Variants in TNS1 observed in about 807,000 individuals in gnomAD.
The protein encoded by TNS1 is tensin 1, also known as tensin-1.
Under a neutral mutation model 168.6 loss-of-function variants are expected in TNS1, and 62 were observed. The ratio of observed to expected loss-of-function variants is 0.37; its 90% CI spans 0.30 to 0.45. The LOEUF (loss-of-function observed/expected upper bound fraction) is 0.45, where lower values mean the gene tolerates loss of function less well. Among genes scored for constraint, TNS1 ranks in the 20% least tolerant of loss-of-function variants. The pLI is 1.00. For synonymous variants in TNS1, 934 were observed against 933.2 expected (o/e 1.00, Z -0.02); for missense variants, 2,240 against 2,339.4 (o/e 0.96, Z 0.88).
rs779341972 is a variant in TNS1, at chr2:217,906,394, A to G, written c.271-9T>C. 2 of 702,054 alleles carry G rather than the reference A, an allele frequency of 2.8e-6. No homozygotes were observed. The highest frequency in any genetic ancestry group is 2.6e-6 in the Non-Finnish European group (1 of 384,378). 43.5% of individuals were successfully genotyped at this position (702,054 alleles called of 1,614,324 possible). ...CGGGAGGCTCCTTCTCCCTGCAGAC[A>G]GAGAAAAGGCAGTCAGAGAGGGGAG... On this transcript the variant is annotated splice_polypyrimidine_tract_variant and intron_variant, in intron 5 of 32. Transcript: ENST00000682258.
chr2:217,837,045 G>C (rs562039931), intron 19 of TNS1, among the ~76,000 whole-genome samples: 1 of 152,118 alleles, frequency 6.6e-6, no homozygotes, highest in Non-Finnish European at 1.5e-5. Context: ...GCCTCATTGA[G>C]CTGGCTCCCA....
intron 11 of TNS1, among the ~76,000 whole-genome samples, chr2:217,891,602 C>G (rs980821941): frequency 1.3e-5 from 2 of 152,204 alleles, no homozygotes; most frequent in African/African-American, 4.8e-5. Context: ...TTCTACCATC[C>G]TCACAGAGCA....
intron 1 of TNS1, among the ~76,000 whole-genome samples, chr2:217,999,137 C>T (rs115678003): frequency 6.6e-6 from 1 of 152,318 alleles, no homozygotes; most frequent in African/African-American, 2.4e-5. Context: ...ATGCGTCATT[C>T]TCAGGGCTTG....
At chr2:217,867,161 T>C (rs1389398472) in intron 18 of TNS1, among the ~76,000 whole-genome samples, 1 of 152,182 alleles carries the variant, frequency 6.6e-6, no homozygotes, top group Non-Finnish European at 1.5e-5. Context: ...ATCTCACATA[T>C]TGGGGGGTGC....
chr2:217,920,337 C>A, intron 3 of TNS1, 101 bp from the exon 4 acceptor site: 1 of 694,276 alleles, frequency 1.4e-6, no homozygotes, highest in South Asian at 1.5e-5. Context: ...TTCATTCCCT[C>A]ACACGGGCTG....
At chr2:217,934,322 C>A (rs1418563276) in intron 3 of TNS1, among the ~76,000 whole-genome samples, 1 of 152,182 alleles carries the variant, frequency 6.6e-6, no homozygotes. Context: ...TGGCACCCTG[C>A]TGGCCGGGAC....
intron 12 of TNS1, 43 bp from the exon 13 acceptor site, chr2:217,886,689 C>T: frequency 7.2e-7 from 1 of 1,393,890 alleles, no homozygotes; most frequent in Non-Finnish European, 1.0e-6. Flanking sequence ...GAGGTGGGTA[C>T]TGGTGCAGTA....
intron 19 of TNS1, among the ~76,000 whole-genome samples, chr2:217,839,681 G>A (rs937752520): frequency 2.6e-5 from 4 of 152,150 alleles, no homozygotes; most frequent in Admixed American, 1.3e-4. Flanking sequence ...ATCACGTGAC[G>A]AGTACCCTGG....
rs565596219 is a variant in TNS1 at position 217,818,026 on chromosome 2, G to T, written c.4306C>A (p.Arg1436=). The T allele has an allele frequency of 3.3e-5, 52 of 1,598,602 alleles. No homozygotes were observed. The highest frequency in any genetic ancestry group is 1.8e-5 in the Admixed American group (1 of 56,794). Reference sequence around the variant, plus strand: ...CTCTGCCGGGACAGTGTGGGTCTCCGATCCTCCGGGGTAGAATAGCCACCA... The same window carrying T: ...CTCTGCCGGGACAGTGTGGGTCTCCTATCCTCCGGGGTAGAATAGCCACCA... The part of the protein sequence containing the change: ...AYGGYSTPED[R]RPTLSRQSSA... Residue 1436 remains arginine (R), a synonymous_variant, in exon 24 of 33, where the codon CGG becomes AGG. Coordinates refer to ENST00000682258, the MANE Select transcript of TNS1 (RefSeq NM_001387777.1).
At chr2:217,843,725 T>C (rs1250759663) in intron 19 of TNS1, among the ~76,000 whole-genome samples, 1 of 152,192 alleles carries the variant, frequency 6.6e-6, no homozygotes, top group East Asian at 1.9e-4. Flanking sequence ...ACTTCTATGA[T>C]GACATGCTGT....
chr2:218,028,672 C>A (rs1958868842), intron 1 of TNS1, among the ~76,000 whole-genome samples: 1 of 152,202 alleles, frequency 6.6e-6, no homozygotes, highest in Non-Finnish European at 1.5e-5. Context: ...GGTCTTCCAT[C>A]CCCTATCCTT....
At chr2:217,806,672 G>T (rs1313402149) in intron 32 of TNS1, among the ~76,000 whole-genome samples, 1 of 152,180 alleles carries the variant, frequency 6.6e-6, no homozygotes, top group South Asian at 2.1e-4. Flanking sequence ...CCTGGACAAG[G>T]CTGAACCCCA....
At position 217,801,687 on chromosome 2, in the gene TNS1, C is replaced by T. The variant is rs1480674001; in HGVS notation, c.*2772G>A. ...TCTTTGGCAAGAATATACTGCAGTG[C>T]GGAGTGTTGTGTGTGCGTAGGTGTG... On this transcript the variant is annotated 3_prime_UTR_variant, in exon 33 of 33. Coordinates refer to ENST00000682258, the MANE Select transcript of TNS1 (RefSeq NM_001387777.1). The T allele has an allele frequency of 4.6e-5, 7 of 152,260 alleles. No homozygotes were observed. The highest frequency in any genetic ancestry group is 8.8e-5 in the Non-Finnish European group (6 of 68,052). 9.4% of individuals were successfully genotyped at this position (152,260 alleles called of 1,614,324 possible).
chr2:217,904,124 C>G (rs78047671), intron 6 of TNS1, among the ~76,000 whole-genome samples: 2,315 of 152,292 alleles, frequency 0.015, 26 homozygotes, highest in Non-Finnish European at 0.026. Flanking sequence ...TACATCTCCT[C>G]TGGGGGCTGT....
intron 3 of TNS1, among the ~76,000 whole-genome samples, chr2:217,925,667 C>T (rs990867835): frequency 3.3e-5 from 5 of 152,212 alleles, no homozygotes; most frequent in African/African-American, 1.2e-4. Context: ...ATAACACTTA[C>T]TATTTTAACT....
chr2:217,831,822 C>T (rs1351531125), intron 21 of TNS1, among the ~76,000 whole-genome samples: 2 of 152,150 alleles, frequency 1.3e-5, no homozygotes, highest in Non-Finnish European at 2.9e-5. Flanking sequence ...CACCCCTAGG[C>T]CCTTAGCTTC....
chr2:217,805,820 A>T (rs1275240240), intron 32 of TNS1, among the ~76,000 whole-genome samples: 1 of 101,394 alleles, frequency 9.9e-6, no homozygotes, highest in Non-Finnish European at 2.2e-5. Context: ...ATACATATAC[A>T]GACCACACAC....
In TNS1 at chr2:218,033,766, A is replaced by G. The variant is rs1259230730; in HGVS notation, c.156+54T>C. 6.6e-6 allele frequency among the ~76,000 whole-genome samples: 1 copy of G among 152,142 alleles called. No homozygotes were observed. On this transcript the variant is annotated intron_variant, in intron 1 of 1. Transcript: ENST00000649572. This position sits in a 1 kb window ranked among gnomAD's most constrained non-coding sequence, Gnocchi z 4.3. ...GTGTCAGGTGCCCTGGGCTCTGCCA[A>G]CCGCCAGCTCCCGACTCGGGGCGTC...
chr2:217,808,498 TATGCACATGCACACACACACACACACAC>T, intron 31 of TNS1, 77 bp downstream of exon 31: 3 of 1,092,646 alleles, frequency 2.7e-6, no homozygotes, highest in Non-Finnish European at 4.1e-6. Context: ...ATGGAGAATG[TATGCACATGCACACACACACACACACAC>T]ATGCACATGC....
Sources: gnomAD v4.1 joint callset for allele counts (sites outside exome capture counted in the v4.1 genomes callset) on GRCh38, gnomAD v4.1.1 for gene constraint, Gnocchi (gnomAD v3.1) non-coding constraint, MANE v1.5 for transcripts, NCBI Gene and HGNC (gene_info 2026-07-23, HGNC 2026-07-21) for gene names.